The following STUM variants were observed in gnomAD, a reference collection of about 807,000 sequenced individuals.
STUM encodes protein stum homolog.
Under a neutral mutation model 15.3 loss-of-function variants are expected in STUM, and 8 were observed. That is an observed-to-expected ratio of 0.52 (90% CI 0.31 to 0.94). The LOEUF is 0.94. Ranked by LOEUF, STUM falls within the 40% of genes least tolerant of loss-of-function variation. The probability of loss-of-function intolerance (pLI) is 0.05; values close to 1 mark genes in which losing one functional copy is unlikely to be tolerated. For missense variants in STUM, 142 were observed against 204.9 expected, an observed-to-expected ratio of 0.69 and a Z score of 1.87; for synonymous variants, 78 against 88.7, an observed-to-expected ratio of 0.88 and a Z score of 0.68.
In STUM at chr1:226,549,126, A is replaced by C. The variant is rs751500101; in HGVS notation, c.202+20A>C. On this transcript the variant is annotated intron_variant, in intron 1 of 3. Coordinates refer to ENST00000366788, the MANE Select transcript of STUM (RefSeq NM_001003665.4). This position sits in a 1 kb window ranked among gnomAD's most constrained non-coding sequence, Gnocchi z 6.8. ...GACTGGGTAAGACACGGCTGCCGCG[A>C]CCCTTGCGACCCCCACCCCGCCGCG... 1.3e-6 allele frequency: 2 copies of C among 1,559,864 alleles called. No individual in the cohort carries two copies. Among genetic ancestry groups the C allele is most frequent in the Non-Finnish European group, 1.7e-6 (2 of 1,154,672 alleles).
At chr1:226,574,947 G>T (rs12069214) in intron 1 of STUM, among the ~76,000 whole-genome samples, 7,985 of 152,306 alleles carry the variant, frequency 0.052, 227 homozygotes, top group South Asian at 0.13. Flanking sequence ...CGCAGGTGTG[G>T]ACCGCGGTCA....
intron 2 of STUM, chr1:226,597,416 T>C (rs562453299): frequency 1.7e-5 from 8 of 473,318 alleles, no homozygotes; most frequent in African/African-American, 1.6e-4. Context: ...CCCACGCCCA[T>C]CTACATGTGA....
rs1354298268 is a variant in STUM at position 226,567,912 on chromosome 1, C to T, written c.202+18806C>T. Among the ~76,000 whole-genome samples the T allele has an allele frequency of 1.3e-5, 2 of 152,130 alleles. No homozygotes were observed. The highest frequency in any genetic ancestry group is 4.8e-5 in the African/African-American group (2 of 41,416). The stretch of plus-strand genomic sequence containing the variant: ...TATTATTTATGTATTGTCAGAAATG[C>T]GAACAGGGCACCCCGAGGAGGAGGT... On this transcript the variant is annotated intron_variant, in intron 1 of 3. Coordinates refer to ENST00000366788, the MANE Select transcript of STUM (RefSeq NM_001003665.4). This position sits in a 1 kb window ranked among gnomAD's most constrained non-coding sequence, Gnocchi z 4.5.
rs866850688 is a variant in STUM at position 226,581,234 on chromosome 1, G to A, written c.203-15568G>A. On this transcript the variant is annotated intron_variant, in intron 1 of 3. Transcript: ENST00000366788. ...AGGCTGGGACATGCAGACTCTAGAT[G>A]AGTAGCTAAATGCCCAGGAGTCAAA... Among the ~76,000 whole-genome samples, 9 of 152,330 alleles carry A rather than the reference G, an allele frequency of 5.9e-5. No individual in the cohort carries two copies. In the Middle Eastern group the frequency reaches 0.01, roughly 173 times the overall value.
In STUM at chr1:226,567,621, C is replaced by A. The variant is rs565820037; in HGVS notation, c.202+18515C>A. On this transcript the variant is annotated intron_variant, in intron 1 of 3. Coordinates refer to ENST00000366788, the MANE Select transcript of STUM (RefSeq NM_001003665.4). This position sits in a 1 kb window ranked among gnomAD's most constrained non-coding sequence, Gnocchi z 4.5. The stretch of plus-strand genomic sequence containing the variant: ...CAGAGAATGAGCTATACAAAGAGAT[C>A]GAGGGAGGAGATGAACAGGTAAGAC... Among the ~76,000 whole-genome samples the A allele has an allele frequency of 6.6e-6, 1 of 152,028 alleles. No individual in the cohort carries two copies. Among genetic ancestry groups the A allele is most frequent in the African/African-American group, 2.4e-5 (1 of 41,392 alleles).
intron 2 of STUM, among the ~76,000 whole-genome samples, chr1:226,599,216 G>C (rs1411452574): frequency 6.6e-6 from 1 of 152,136 alleles, no homozygotes; most frequent in African/African-American, 2.4e-5. Flanking sequence ...AACCATATCA[G>C]GGGGATAGAC....
At chr1:226,564,803 T>A (rs2102690840) in intron 1 of STUM, among the ~76,000 whole-genome samples, 1 of 152,302 alleles carries the variant, frequency 6.6e-6, no homozygotes, top group East Asian at 1.9e-4. Flanking sequence ...AATCCTGGCT[T>A]CTCATTCCAG....
rs6700519 is a variant in STUM, at chr1:226,565,681, G to A, written c.202+16575G>A. Among the ~76,000 whole-genome samples the A allele has an allele frequency of 9.1e-3, 1,378 of 152,188 alleles. 20 individuals are homozygous for A. Among genetic ancestry groups the A allele is most frequent in the African/African-American group, 0.031 (1,277 of 41,514 alleles). ...AGGTGCTAGGCGTGACTCCCTGCCC[G>A]GCTCCTGCCTGGGTAGTTCTGCATA... On this transcript the variant is annotated intron_variant, in intron 1 of 3. Coordinates refer to ENST00000366788, the MANE Select transcript of STUM (RefSeq NM_001003665.4). The surrounding 1 kb of genome is among the most constrained non-coding windows in gnomAD (Gnocchi z 4.4).
chr1:226,555,105 T>C (rs1275222826), intron 1 of STUM, among the ~76,000 whole-genome samples: 3 of 152,178 alleles, frequency 2.0e-5, no homozygotes, highest in Non-Finnish European at 1.5e-5. Flanking sequence ...TAGTTTTCTT[T>C]TTACCTCAAG....
At chr1:226,592,373 G>A (rs1240636371) in intron 1 of STUM, among the ~76,000 whole-genome samples, 6 of 152,122 alleles carry the variant, frequency 3.9e-5, no homozygotes, top group African/African-American at 1.4e-4. Context: ...TTAATGTAAG[G>A]ATGCAACACC....
In STUM at chr1:226,567,265, C is replaced by G. The variant is rs1667639393; in HGVS notation, c.202+18159C>G. ...TGAAGACTGTCCGTCCTGGAGCTAT[C>G]CAACGGGTGGTGACGGCCCCGCGGG... On this transcript the variant is annotated intron_variant, in intron 1 of 3. Transcript: ENST00000366788. This position sits in a 1 kb window ranked among gnomAD's most constrained non-coding sequence, Gnocchi z 4.5. 6.6e-6 allele frequency among the ~76,000 whole-genome samples: 1 copy of G among 152,206 alleles called. No homozygotes were observed. Among genetic ancestry groups the G allele is most frequent in the Non-Finnish European group, 1.5e-5 (1 of 68,044 alleles).
chr1:226,554,547 G>A lies in STUM; in HGVS notation c.202+5441G>A, dbSNP rs1013421974. On this transcript the variant is annotated intron_variant, in intron 1 of 3. Coordinates refer to ENST00000366788, the MANE Select transcript of STUM (RefSeq NM_001003665.4). ...CATCTGGAAACAAGAGTAAAAGTGC[G>A]CTGAGGGGTGATATAAGCAAGCTGG... Among the ~76,000 whole-genome samples the A allele has an allele frequency of 7.9e-5, 12 of 152,196 alleles. No individual in the cohort carries two copies. In the South Asian group the frequency reaches 1.2e-3, roughly 16 times the overall value.
chr1:226,563,232 C>T (rs1448419547), intron 1 of STUM, among the ~76,000 whole-genome samples: 2 of 152,254 alleles, frequency 1.3e-5, no homozygotes, highest in African/African-American at 4.8e-5. Context: ...ATCCAAACTA[C>T]TGTACTCTAA....
intron 1 of STUM, among the ~76,000 whole-genome samples, chr1:226,570,901 A>G (rs987713423): frequency 2.0e-5 from 3 of 152,194 alleles, no homozygotes; most frequent in African/African-American, 7.2e-5. Flanking sequence ...AAAAGCCCCA[A>G]TGATATTGAA....
rs927469784 is a variant in STUM, at chr1:226,605,654, T to G, written c.*3614T>G. ...AAAATAAGCTTCTCCCTCCCATATG[T>G]GGGGGCGGCCCCCTCCTGAGACCTG... is the stretch of plus-strand genomic sequence containing the variant. On this transcript the variant is annotated 3_prime_UTR_variant, in exon 4 of 4. Coordinates refer to ENST00000366788, the MANE Select transcript of STUM (RefSeq NM_001003665.4). The surrounding 1 kb of genome is among the most constrained non-coding windows in gnomAD (Gnocchi z 4.0). 4.6e-5 allele frequency: 7 copies of G among 152,118 alleles called. No homozygotes were observed. Among genetic ancestry groups the G allele is most frequent in the African/African-American group, 1.7e-4 (7 of 41,420 alleles). 9.4% of individuals were successfully genotyped at this position (152,118 alleles called of 1,614,324 possible). A position where few individuals can be genotyped will look rare whatever the true frequency, so the allele number is the denominator to read the frequency against.
intron 1 of STUM, among the ~76,000 whole-genome samples, chr1:226,569,803 TG>T (rs889160043): frequency 6.6e-6 from 1 of 152,088 alleles, no homozygotes; most frequent in Non-Finnish European, 1.5e-5. Context: ...CCTTCAGGAC[TG>T]GGAGGGGATG....
chr1:226,607,650 G>T lies in STUM; in HGVS notation c.*5610G>T, dbSNP rs1409503639. On this transcript the variant is annotated 3_prime_UTR_variant, in exon 4 of 4. Transcript: ENST00000366788. Reference sequence around the variant, plus strand: ...TCCACTCTCCCCTCCTGATGCTACCGCAGAGGGCAGAAAGGTGCCCTGTAG... The same window carrying T: ...TCCACTCTCCCCTCCTGATGCTACCTCAGAGGGCAGAAAGGTGCCCTGTAG... The T allele has an allele frequency of 6.6e-6, 1 of 152,290 alleles. No individual in the cohort carries two copies. The highest frequency in any genetic ancestry group is 2.4e-5 in the African/African-American group (1 of 41,448). 9.4% of individuals were successfully genotyped at this position (152,290 alleles called of 1,614,324 possible). A position where few individuals can be genotyped will look rare whatever the true frequency, so the allele number is the denominator to read the frequency against.
At chr1:226,597,373 C>G (rs1162726035) in intron 2 of STUM, 1 of 477,158 alleles carries the variant, frequency 2.1e-6, no homozygotes, top group East Asian at 6.8e-5. Context: ...CTGTGCATGT[C>G]TCCCATACCA....
intron 1 of STUM, among the ~76,000 whole-genome samples, chr1:226,579,239 T>C (rs1046102657): frequency 2.6e-5 from 4 of 152,130 alleles, no homozygotes; most frequent in Non-Finnish European, 5.9e-5. Context: ...GGCAGCATGG[T>C]GGAGAGAAGC....
Sources: gnomAD v4.1 joint callset for allele counts (sites outside exome capture counted in the v4.1 genomes callset) on GRCh38, gnomAD v4.1.1 for gene constraint, Gnocchi (gnomAD v3.1) non-coding constraint, MANE v1.5 for transcripts, NCBI Gene and HGNC (gene_info 2026-07-23, HGNC 2026-07-21) for gene names.